The following SDCCAG8 variants were observed in gnomAD, a reference collection of about 807,000 sequenced individuals.
SDCCAG8 encodes serologically defined colon cancer antigen 8.
A neutral mutation model predicts 101.8 loss-of-function variants in SDCCAG8; 74 were observed. That is an observed-to-expected ratio of 0.73 (90% CI 0.60 to 0.88). The LOEUF is 0.88. SDCCAG8 is among the 40% of genes least tolerant of loss of function. The probability of loss-of-function intolerance (pLI) is 0.00; values close to 1 mark genes in which losing one functional copy is unlikely to be tolerated. For synonymous variants in SDCCAG8, 281 were observed against 292.9 expected, an observed-to-expected ratio of 0.96 and a Z score of 0.41; for missense variants, 787 against 822.6, an observed-to-expected ratio of 0.96 and a Z score of 0.53.
intron 16 of SDCCAG8, among the ~76,000 whole-genome samples, chr1:243,480,831 ATGGATGGATGGGTGGGG>A (rs1438469307): frequency 4.5e-5 from 4 of 89,572 alleles, no homozygotes; most frequent in Non-Finnish European, 9.0e-5. Flanking sequence ...GGATGGATGG[ATGGATGGATGGGTGGGG>A]TGGATGGATG....
Position 243,489,619 on chromosome 1 carries a change from A to C in SDCCAG8, c.2112+479A>C, listed in dbSNP as rs1299217661. ...AATTAGCTGACTGATTACTGGGCTA[A>C]TATCTGGAGTGCTTGCAGAGCACCC... On this transcript the variant is annotated intron_variant, in intron 17 of 17. Coordinates refer to ENST00000366541, the MANE Select transcript of SDCCAG8 (RefSeq NM_006642.5). Among the ~76,000 whole-genome samples, 3 of 152,344 alleles carry C rather than the reference A, an allele frequency of 2.0e-5. No homozygotes were observed. In the East Asian group the frequency reaches 5.8e-4, roughly 29 times the overall value.
chr1:243,448,757 A>G (rs2083127722), intron 16 of SDCCAG8, among the ~76,000 whole-genome samples: 2 of 152,232 alleles, frequency 1.3e-5, no homozygotes, highest in Non-Finnish European at 2.9e-5. Context: ...TGACTCCTTA[A>G]GGACAGAAAC....
intron 16 of SDCCAG8, among the ~76,000 whole-genome samples, chr1:243,467,252 C>T (rs1474214994): frequency 2.0e-5 from 3 of 152,190 alleles, no homozygotes; most frequent in African/African-American, 4.8e-5. Flanking sequence ...AAATCCTGTT[C>T]CATGTTCCAC....
intron 16 of SDCCAG8, among the ~76,000 whole-genome samples, chr1:243,454,404 G>C (rs919466724): frequency 2.0e-5 from 3 of 152,232 alleles, no homozygotes; most frequent in African/African-American, 7.2e-5. Context: ...CAGCCAGGCA[G>C]AGAGGCCTGG....
chr1:243,444,658 C>T (rs1430874638), intron 16 of SDCCAG8, among the ~76,000 whole-genome samples: 1 of 152,206 alleles, frequency 6.6e-6, no homozygotes, highest in East Asian at 1.9e-4. Flanking sequence ...GCTAGGATTA[C>T]AGGCGTGAGC....
intron 13 of SDCCAG8, among the ~76,000 whole-genome samples, chr1:243,394,765 T>A (rs565341253): frequency 1.3e-5 from 2 of 152,288 alleles, no homozygotes; most frequent in African/African-American, 4.8e-5. Flanking sequence ...ACATCAGCTC[T>A]TCGCCTTCAC....
intron 9 of SDCCAG8, among the ~76,000 whole-genome samples, chr1:243,329,288 T>C (rs1305692214): frequency 3.3e-5 from 5 of 152,198 alleles, no homozygotes; most frequent in African/African-American, 1.2e-4. Flanking sequence ...GAATTTTACC[T>C]TTATATTTTA....
At chr1:243,332,499 A>G (rs1266949110) in intron 10 of SDCCAG8, among the ~76,000 whole-genome samples, 1 of 149,822 alleles carries the variant, frequency 6.7e-6, no homozygotes, top group Non-Finnish European at 1.5e-5. Flanking sequence ...TGATTATCAT[A>G]ATCCAGCTCT....
chr1:243,459,406 T>G (rs1329546489), intron 16 of SDCCAG8, among the ~76,000 whole-genome samples: 1 of 151,642 alleles, frequency 6.6e-6, no homozygotes, highest in Non-Finnish European at 1.5e-5. Flanking sequence ...GTGGCTAACA[T>G]GGGGCTTTTC....
chr1:243,397,284 G>C (rs994526464), intron 13 of SDCCAG8, among the ~76,000 whole-genome samples: 1 of 152,232 alleles, frequency 6.6e-6, no homozygotes, highest in South Asian at 2.1e-4. Context: ...TGTGAGTTTA[G>C]TTTGGAAGTT....
intron 15 of SDCCAG8, among the ~76,000 whole-genome samples, chr1:243,422,307 CTTGTTAATTGTAA>C (rs2081067429): frequency 1.3e-5 from 2 of 152,150 alleles, no homozygotes; most frequent in Non-Finnish European, 2.9e-5. Flanking sequence ...TCACTTCTAT[CTTGTTAATTGTAA>C]ATTGATCATT....
intron 12 of SDCCAG8, 151 bp downstream of exon 12, chr1:243,344,482 A>G (rs1397990670): frequency 5.8e-6 from 4 of 689,488 alleles, no homozygotes; most frequent in Non-Finnish European, 1.0e-5. Context: ...TTTCTTTTAT[A>G]GTTGCCTAAA....
At chr1:243,399,975 G>C (rs901583314) in intron 13 of SDCCAG8, among the ~76,000 whole-genome samples, 1 of 152,206 alleles carries the variant, frequency 6.6e-6, no homozygotes, top group Non-Finnish European at 1.5e-5. Context: ...TCAGAGGTTA[G>C]TACCTTGACC....
intron 11 of SDCCAG8, among the ~76,000 whole-genome samples, chr1:243,341,582 A>G (rs182206577): frequency 2.0e-5 from 3 of 152,378 alleles, no homozygotes; most frequent in Admixed American, 2.0e-4. Flanking sequence ...AAAGACATAT[A>G]TTGACAACTT....
chr1:243,349,849 G>A (rs925668604), intron 12 of SDCCAG8, among the ~76,000 whole-genome samples: 20 of 149,890 alleles, frequency 1.3e-4, no homozygotes, highest in East Asian at 3.9e-4. Flanking sequence ...TTTTTTTACC[G>A]GCATTGTATA....
intron 5 of SDCCAG8, among the ~76,000 whole-genome samples, chr1:243,292,823 A>G (rs748059678): frequency 6.6e-6 from 1 of 152,216 alleles, no homozygotes; most frequent in Non-Finnish European, 1.5e-5. Context: ...TCAGAGGAGT[A>G]AAGAATAATT....
Position 243,413,920 on chromosome 1 carries a change from T to C in SDCCAG8, c.1617-1782T>C, listed in dbSNP as rs1020016691. Among the ~76,000 whole-genome samples the C allele has an allele frequency of 2.0e-5, 3 of 152,286 alleles. No homozygotes were observed. In the East Asian group the frequency reaches 5.8e-4, roughly 29 times the overall value. ...AAGTTTTTGCCTCCTCTCGTAAGAC[T>C]TAAGCAGATTCTCCAGCTACACGTT... On this transcript the variant is annotated intron_variant, in intron 13 of 17. Transcript: ENST00000366541.
At chr1:243,371,617 A>G (rs1473709199) in intron 12 of SDCCAG8, among the ~76,000 whole-genome samples, 1 of 152,154 alleles carries the variant, frequency 6.6e-6, no homozygotes, top group Admixed American at 6.6e-5. Context: ...GATTTCTAGA[A>G]TGGTATCAGC....
rs558138503 is a variant in SDCCAG8 at position 243,417,523 on chromosome 1, G to C, written c.1745-445G>C. Among the ~76,000 whole-genome samples the C allele has an allele frequency of 3.3e-5, 5 of 152,230 alleles. No individual in the cohort carries two copies. The South Asian group carries it at 1.0e-3, about 32-fold the overall frequency. On this transcript the variant is annotated intron_variant, in intron 14 of 17. Transcript: ENST00000366541. ...GTGGTGGTGGTAGTAAACCATGTGT[G>C]CAAATATGAAACAAAGCATGAATTA...
Sources: gnomAD v4.1 joint callset for allele counts (sites outside exome capture counted in the v4.1 genomes callset) on GRCh38, gnomAD v4.1.1 for gene constraint, MANE v1.5 for transcripts, NCBI Gene and HGNC (gene_info 2026-07-23, HGNC 2026-07-21) for gene names.